DPP6: variants seen among roughly 807,000 people sequenced by gnomAD.
DPP6 encodes dipeptidyl peptidase like 6.
A neutral mutation model predicts 122.6 loss-of-function variants in DPP6; 69 were observed. That is an observed-to-expected ratio of 0.56 (90% confidence interval 0.46 to 0.69). The LOEUF is 0.69. DPP6 is among the 30% of genes least tolerant of loss of function. The pLI is 0.00. For synonymous variants in DPP6, 418 were observed against 433.1 expected (o/e 0.97, Z 0.43); for missense variants, 928 against 1,116.9 (o/e 0.83, Z 2.41).
intron 19 of DPP6, among the ~76,000 whole-genome samples, chr7:154,874,768 G>T (rs1804709004): frequency 6.6e-6 from 1 of 152,178 alleles, no homozygotes; most frequent in Non-Finnish European, 1.5e-5. Flanking sequence ...TGGACCTGGG[G>T]CTGACTTTCT....
chr7:154,265,680 G>T (rs1197457188), intron 1 of DPP6, among the ~76,000 whole-genome samples: 1 of 152,110 alleles, frequency 6.6e-6, no homozygotes, highest in African/African-American at 2.4e-5. Flanking sequence ...TACTGTTTTG[G>T]TCAAAGAATT....
chr7:154,786,214 T>C (rs780528701), intron 10 of DPP6, among the ~76,000 whole-genome samples: 23 of 152,252 alleles, frequency 1.5e-4, no homozygotes, highest in Non-Finnish European at 2.9e-4. Flanking sequence ...ATGTCTCTTT[T>C]TTCACACATT....
intron 1 of DPP6, among the ~76,000 whole-genome samples, chr7:154,201,292 T>C (rs1799163356): frequency 6.6e-6 from 1 of 152,164 alleles, no homozygotes; most frequent in South Asian, 2.1e-4. Context: ...CATGCCCAGC[T>C]AATTTTTTGT....
chr7:154,872,742 G>A (rs545489534), intron 19 of DPP6, 49 bp downstream of exon 19: 34 of 1,562,732 alleles, frequency 2.2e-5, no homozygotes, highest in Admixed American at 3.8e-5. Context: ...CTGGGGCTCC[G>A]TGACACCCAT....
rs139192518 is a variant in DPP6, at chr7:154,312,717, G to A, written c.244-133497G>A. On this transcript the variant is annotated intron_variant, in intron 1 of 25. Transcript: ENST00000377770. ...CTCTCTCAAAACACTTTAAAAGGCC[G>A]AAGTCCATCTTGTGGACATGCTCAT... 1.7e-3 allele frequency among the ~76,000 whole-genome samples: 264 copies of A among 152,286 alleles called. 1 individual carries two copies. Among genetic ancestry groups the A allele is most frequent in the African/African-American group, 5.0e-3 (209 of 41,552 alleles).
chr7:154,256,632 C>G (rs1419318364), intron 1 of DPP6, among the ~76,000 whole-genome samples: 1 of 152,150 alleles, frequency 6.6e-6, no homozygotes, highest in Non-Finnish European at 1.5e-5. Flanking sequence ...TTTTTCCAAA[C>G]TCTCAGATCA....
intron 1 of DPP6, among the ~76,000 whole-genome samples, chr7:154,307,863 T>C (rs1307322485): frequency 1.3e-5 from 2 of 149,434 alleles, no homozygotes; most frequent in Non-Finnish European, 3.0e-5. Flanking sequence ...GGAATATGTT[T>C]CTTTTTTTTT....
chr7:153,819,771 T>G, the DPP6 span, among the ~76,000 whole-genome samples: 2 of 152,374 alleles, frequency 1.3e-5, no homozygotes, highest in African/African-American at 4.8e-5. Context: ...AGATGGTAAA[T>G]TATATATGCA....
intron 1 of DPP6, among the ~76,000 whole-genome samples, chr7:154,313,338 G>C (rs773991332): frequency 3.3e-5 from 5 of 152,130 alleles, no homozygotes; most frequent in Admixed American, 6.5e-5. Flanking sequence ...GGGGCACACA[G>C]AGATGGTTTG....
chr7:154,051,071 G>C (rs1860506), upstream of DPP6, among the ~76,000 whole-genome samples: 1 of 103,244 alleles, frequency 9.7e-6, no homozygotes, highest in African/African-American at 3.6e-5. Flanking sequence ...GGCAATGCCA[G>C]GGCTGGGGGC....
At chr7:154,572,510 C>CTT (rs77816407) in intron 5 of DPP6, among the ~76,000 whole-genome samples, 38 of 86,138 alleles carry the variant, frequency 4.4e-4, no homozygotes, top group South Asian at 7.8e-4. Context: ...TTTTTCTTTT[C>CTT]TTTTTTTTTT....
chr7:154,260,046 A>G (rs570478888), intron 1 of DPP6, among the ~76,000 whole-genome samples: 1 of 152,286 alleles, frequency 6.6e-6, no homozygotes, highest in Non-Finnish European at 1.5e-5. Context: ...TAGAGAATTG[A>G]CATGTGAATC....
At chr7:154,420,685 A>G (rs1817398571) in intron 1 of DPP6, among the ~76,000 whole-genome samples, 3 of 152,214 alleles carry the variant, frequency 2.0e-5, no homozygotes, top group African/African-American at 2.4e-5. Flanking sequence ...CAAAATTGCT[A>G]AAAGAGTAGA....
chr7:154,632,044 G>C (rs1835439767), intron 5 of DPP6, among the ~76,000 whole-genome samples: 1 of 152,194 alleles, frequency 6.6e-6, no homozygotes, highest in Non-Finnish European at 1.5e-5. Flanking sequence ...AAAAAGGAAA[G>C]TGATGTACAG....
rs543980512 is a variant in DPP6 at position 153,967,870 on chromosome 7, C to G, written c.51+80136C>G. Among the ~76,000 whole-genome samples, 735 of 151,914 alleles carry G rather than the reference C, an allele frequency of 4.8e-3. 7 individuals carry two copies. Among genetic ancestry groups the G allele is most frequent in the African/African-American group, 0.016 (671 of 41,278 alleles). ...AGAAAAACAGCTGAGTTAGTGAGTC[C>G]TATCTGTAAAGGGTATGGTTTCATT... On this transcript the variant is annotated intron_variant, in intron 1 of 25. Coordinates refer to the DPP6 transcript ENST00000404039.
At chr7:154,608,243 G>T (rs2130794359) in intron 5 of DPP6, among the ~76,000 whole-genome samples, 1 of 150,036 alleles carries the variant, frequency 6.7e-6, no homozygotes, top group South Asian at 2.1e-4. Context: ...CTCCCAAAGT[G>T]CCAGGATTAC....
chr7:154,329,486 A>G (rs1046157437), intron 1 of DPP6, among the ~76,000 whole-genome samples: 9 of 152,262 alleles, frequency 5.9e-5, no homozygotes, highest in African/African-American at 2.2e-4. Context: ...ACAAGGAGAT[A>G]CTATCTCACG....
intron 1 of DPP6, among the ~76,000 whole-genome samples, chr7:153,909,106 C>T (rs1799967883): frequency 6.6e-6 from 1 of 152,180 alleles, no homozygotes; most frequent in African/African-American, 2.4e-5. Context: ...TCAAGAAATA[C>T]ATTCCTTCTA....
chr7:153,843,486 C>G, the DPP6 span, among the ~76,000 whole-genome samples: 1 of 145,232 alleles, frequency 6.9e-6, no homozygotes, highest in African/African-American at 2.7e-5. Flanking sequence ...ATAATAGACA[C>G]ACAAGATAGT....
Sources: gnomAD v4.1 joint callset for allele counts (sites outside exome capture counted in the v4.1 genomes callset) on GRCh38, gnomAD v4.1.1 for gene constraint, MANE v1.5 for transcripts, NCBI Gene and HGNC (gene_info 2026-07-23, HGNC 2026-07-21) for gene names.